Variants in XYLT2 observed in about 807,000 individuals in gnomAD.
XYLT2 encodes the protein UDP-D-xylose:proteoglycan core protein beta-D-xylosyltransferase.
Under a neutral mutation model 82.6 loss-of-function variants are expected in XYLT2, and 37 were observed. The observed-to-expected ratio is 0.45, with a 90% CI of 0.34 to 0.59. The LOEUF is 0.59. Ranked by LOEUF, XYLT2 falls within the 20% of genes least tolerant of loss-of-function variation. The pLI, the probability that XYLT2 is intolerant of heterozygous loss-of-function variation, is 0.01. For missense variants in XYLT2, 934 were observed against 1,181.3 expected (o/e 0.79, Z 3.07); for synonymous variants, 474 against 499.0 (o/e 0.95, Z 0.67).
At chr17:50,356,846 C>T (rs754545648) in intron 8 of XYLT2, 73 bp downstream of exon 8, 11 of 1,539,562 alleles carry the variant, frequency 7.1e-6, no homozygotes, top group South Asian at 2.4e-5. Context: ...CAGAGAGTGA[C>T]GTCCCCTGCC....
rs1912737579 is a variant in XYLT2, at chr17:50,360,123, C to T, written c.2430C>T (p.Ala810=). ...HTQLTGPALE[A]WTDRELSSFW... ...AGCTCACAGGCCCTGCGCTCGAGGC[C>T]TGGACAGACAGGGAACTGAGCAGCT... Residue 810 remains alanine (A), a synonymous_variant, in exon 11 of 11, where the codon GCC becomes GCT. Transcript: ENST00000017003. The T allele has an allele frequency of 6.2e-7, 1 of 1,613,880 alleles. No homozygotes were observed. The highest frequency in any genetic ancestry group is 1.3e-5 in the African/African-American group (1 of 74,926).
At position 50,357,960 on chromosome 17, in the gene XYLT2, C is replaced by T. The variant is rs61686489; in HGVS notation, c.1942-247C>T. The T allele has an allele frequency of 2.4e-3, 1,223 of 511,648 alleles. 17 individuals carry two copies. The highest frequency in any genetic ancestry group is 0.02 in the African/African-American group (1,035 of 53,030). 31.7% of individuals were successfully genotyped at this position (511,648 alleles called of 1,614,324 possible). On this transcript the variant is annotated intron_variant, in intron 9 of 10. Transcript: ENST00000017003. ...GCAGGACTTTGAACCTCATCCCTGC[C>T]GTATTGTCCCCAATAAGGGGGACTG...
intron 2 of XYLT2, 37 bp downstream of exon 2, chr17:50,354,159 G>T: frequency 6.3e-7 from 1 of 1,598,030 alleles, no homozygotes. Flanking sequence ...TCCCAGGCGG[G>T]GGCAGGGGGG....
chr17:50,356,090 C>G lies in XYLT2; in HGVS notation c.1311C>G (p.Phe437Leu), dbSNP rs1348620665. ...CTCTCCCTTGCTGCTTGCAGTCCTT[C>G]TTCCACACGGTGCTGGAGAACAGCC... ...YTYTLLPAESFFHTVLENSLA... is the reference protein window; with the variant it reads ...YTYTLLPAESLFHTVLENSLA... The change falls in exon 7 of 11, where the codon TTC becomes TTG. Residue 437 changes from phenylalanine to leucine, a missense_variant. By Grantham distance (22) the Phe-to-Leu change is conservative (BLOSUM62 0). Coordinates refer to ENST00000017003, the MANE Select transcript of XYLT2 (RefSeq NM_022167.4). 1.2e-6 allele frequency: 2 copies of G among 1,614,068 alleles called. No individual in the cohort carries two copies. The highest frequency in any genetic ancestry group is 8.5e-7 in the Non-Finnish European group (1 of 1,180,000).
chr17:50,352,484 T>C (rs963517078), intron 1 of XYLT2, among the ~76,000 whole-genome samples: 4 of 152,184 alleles, frequency 2.6e-5, no homozygotes, highest in African/African-American at 9.6e-5. Flanking sequence ...CCCAGCCCAT[T>C]CCACTGCAGG....
chr17:50,360,922 G>A lies in XYLT2; in HGVS notation c.*631G>A. Reference sequence around the variant, plus strand: ...AGCCAGGGGACCCTAGAAGTGGGGTGGGGCGGCTCCAGGGCTTTCCAGCAT... The same window carrying A: ...AGCCAGGGGACCCTAGAAGTGGGGTAGGGCGGCTCCAGGGCTTTCCAGCAT... On this transcript the variant is annotated 3_prime_UTR_variant, in exon 11 of 11. Coordinates refer to ENST00000017003, the MANE Select transcript of XYLT2 (RefSeq NM_022167.4). 1.0e-6 allele frequency: 1 copy of A among 985,990 alleles called. No homozygotes were observed. Among genetic ancestry groups the A allele is most frequent in the Non-Finnish European group, 1.2e-6 (1 of 830,086 alleles). The allele number at this position is 985,990 out of a possible 1,614,324, so 61.1% of individuals were successfully genotyped here.
Position 50,354,428 on chromosome 17 carries a change from C to G in XYLT2, c.649C>G (p.Gln217Glu). Reference protein sequence around the residue: ...QLTGKMSPGIQWDESQAQQPM... With the variant: ...QLTGKMSPGIEWDESQAQQPM... ...CTCAGGGAAGATGAGCCCCGGCATC[C>G]AGTGGGATGAGAGCCAAGCCCAGCA... The change falls in exon 3 of 11, where the codon CAG (glutamine) becomes GAG (glutamate). Residue 217 changes from glutamine (Q) to glutamate (E), a missense_variant. By Grantham distance (29) the Gln-to-Glu change is conservative. This residue lies in a region of XYLT2 where 371 missense variants were observed against 394.9 expected (regional missense o/e 0.94). Coordinates refer to ENST00000017003, the MANE Select transcript of XYLT2 (RefSeq NM_022167.4). 6.2e-7 allele frequency: 1 copy of G among 1,609,278 alleles called. No individual in the cohort carries two copies. Among genetic ancestry groups the G allele is most frequent in the Non-Finnish European group, 8.5e-7 (1 of 1,178,150 alleles).
At chr17:50,352,622 C>A (rs566467267) in intron 1 of XYLT2, among the ~76,000 whole-genome samples, 2 of 152,312 alleles carry the variant, frequency 1.3e-5, no homozygotes, top group South Asian at 4.1e-4. Context: ...GTTCAGTCAC[C>A]ACCAGGCCAT....
rs1358779206 is a variant in XYLT2 at position 50,346,555 on chromosome 17, A to C, written c.135+280A>C. The C allele has an allele frequency of 8.3e-6, 8 of 960,918 alleles. No individual in the cohort carries two copies. Among genetic ancestry groups the C allele is most frequent in the Non-Finnish European group, 9.9e-6 (8 of 807,866 alleles). The allele number at this position is 960,918 out of a possible 1,614,324, so 59.5% of individuals were successfully genotyped here. ...GGTCATGCTAGGGTGGTCTCCGGCC[A>C]AGGGAGCGATGAAGGTCAGGCGCGG... On this transcript the variant is annotated intron_variant, in intron 1 of 10. Transcript: ENST00000017003. The surrounding 1 kb of genome is among the most constrained non-coding windows in gnomAD (Gnocchi z 5.1).
In XYLT2 at chr17:50,358,301, C is replaced by T. The variant is rs1190945053; in HGVS notation, c.2036C>T (p.Ala679Val). The T allele has an allele frequency of 1.9e-6, 3 of 1,613,814 alleles. No homozygotes were observed. The highest frequency in any genetic ancestry group is 1.7e-6 in the Non-Finnish European group (2 of 1,180,030). ...LDEPVAVQRW[A>V]RGPNLTATVV... ...GAGCCTGTGGCCGTGCAGCGCTGGG[C>T]CCGGGGCCCCAACCTCACAGCCACA... Residue 679 changes from alanine (A) to valine (V), a missense_variant, in exon 10 of 11, where the codon GCC becomes GTC. Transcript: ENST00000017003.
Position 50,357,160 on chromosome 17 carries a change from C to T in XYLT2, c.1849C>T (p.Pro617Ser). ...GGCGGTGCAGCCCTCAGCCCAGGGG[C>T]CGGCAGAGACGCTTGAGATGTGGCT... ...TQAVQPSAQG[P>S]AETLEMWLMP... Residue 617 changes from proline to serine, a missense_variant, in exon 9 of 11, where the codon CCG (proline) becomes TCG (serine). By Grantham distance (74) the Pro-to-Ser change is moderately conservative. Transcript: ENST00000017003. The T allele has an allele frequency of 6.2e-7, 1 of 1,613,284 alleles. No homozygotes were observed. Among genetic ancestry groups the T allele is most frequent in the South Asian group, 1.1e-5 (1 of 91,074 alleles).
Position 50,354,568 on chromosome 17 carries a change from C to T in XYLT2, c.789C>T (p.Tyr263=), listed in dbSNP as rs1290055258. 8 of 1,609,894 alleles carry T rather than the reference C, an allele frequency of 5.0e-6. No homozygotes were observed. In the East Asian group the frequency reaches 1.3e-4, roughly 27 times the overall value. ...TTTATCACGAGCAGCACTTCTTTTA[C>T]ATCCATGTGGACAAGGTACTGTGGT... is the stretch of plus-strand genomic sequence containing the variant. ...KAVYHEQHFF[Y]IHVDKRSDYL... The change falls in exon 3 of 11, where the codon TAC becomes TAT. Residue 263 remains tyrosine (Y), a synonymous_variant. Coordinates refer to ENST00000017003, the MANE Select transcript of XYLT2 (RefSeq NM_022167.4).
At chr17:50,355,191 C>A in intron 4 of XYLT2, 135 bp downstream of exon 4, 2 of 988,186 alleles carry the variant, frequency 2.0e-6, no homozygotes, top group Non-Finnish European at 3.0e-6. Context: ...ACATGGGCCC[C>A]TGGGCCCCAG....
rs527677091 is a variant in XYLT2 at position 50,360,344 on chromosome 17, A to C, written c.*53A>C. On this transcript the variant is annotated 3_prime_UTR_variant, in exon 11 of 11. Coordinates refer to ENST00000017003, the MANE Select transcript of XYLT2 (RefSeq NM_022167.4). ...ACCCGGGAAATTGCACCTTACAGACAGTGGAGGGGTGTCCCCTCCCACAGG... is the reference window on the plus strand; with the variant it reads ...ACCCGGGAAATTGCACCTTACAGACCGTGGAGGGGTGTCCCCTCCCACAGG... The C allele has an allele frequency of 1.3e-6, 2 of 1,482,200 alleles. No individual in the cohort carries two copies. Among genetic ancestry groups the C allele is most frequent in the Admixed American group, 2.5e-5 (1 of 40,364 alleles). The allele number at this position is 1,482,200 out of a possible 1,614,324, so 91.8% of individuals were successfully genotyped here. A position where few individuals can be genotyped will look rare whatever the true frequency, so the allele number is the denominator to read the frequency against.
chr17:50,353,107 A>C (rs2143207317), intron 1 of XYLT2, among the ~76,000 whole-genome samples: 1 of 152,242 alleles, frequency 6.6e-6, no homozygotes, highest in South Asian at 2.1e-4. Flanking sequence ...CTTCACCTCC[A>C]TCATCCCCCA....
Position 50,348,137 on chromosome 17 carries a change from G to A in XYLT2, c.135+1862G>A, listed in dbSNP as rs569953820. ...ATTCATTCATTCCACAAATAGGTGT[G>A]AAGTCCTACTTTGTACTAGACACTG... On this transcript the variant is annotated intron_variant, in intron 1 of 10. Coordinates refer to ENST00000017003, the MANE Select transcript of XYLT2 (RefSeq NM_022167.4). Among the ~76,000 whole-genome samples the A allele has an allele frequency of 5.1e-4, 78 of 152,334 alleles. 1 individual carries two copies. The highest frequency in any genetic ancestry group is 1.9e-3 in the African/African-American group (77 of 41,568).
Position 50,356,784 on chromosome 17 carries a change from C to G in XYLT2, c.1745+11C>G. ...CACCCCACTCTGCAGGTGAGACCCC[C>G]TTCTGACATACAGCAGGCCCTTGGG... is the stretch of plus-strand genomic sequence containing the variant. On this transcript the variant is annotated intron_variant, in intron 8 of 10. Coordinates refer to ENST00000017003, the MANE Select transcript of XYLT2 (RefSeq NM_022167.4). 1 of 1,596,556 alleles carries G rather than the reference C, an allele frequency of 6.3e-7. No individual in the cohort carries two copies. Among genetic ancestry groups the G allele is most frequent in the Non-Finnish European group, 8.5e-7 (1 of 1,176,238 alleles).
Position 50,354,118 on chromosome 17 carries a change from G to T in XYLT2, c.624G>T (p.Leu208=). The stretch of plus-strand genomic sequence containing the variant: ...AGGCTGTGCCCCGGCACTGTCAGCT[G>T]ACTGGTGAGGGACAGGGGTGCTCCA... ...MPKAVPRHCQ[L]TGKMSPGIQW... Residue 208 remains leucine (L), a synonymous_variant, in exon 2 of 11, where the codon CTG becomes CTT. Transcript: ENST00000017003. 1 of 1,602,970 alleles carries T rather than the reference G, an allele frequency of 6.2e-7. No homozygotes were observed. The highest frequency in any genetic ancestry group is 8.5e-7 in the Non-Finnish European group (1 of 1,179,930).
chr17:50,360,413 G>A lies in XYLT2; in HGVS notation c.*122G>A, dbSNP rs1598354165. ...GCTGCACACCCATTTCAGCCATCAA[G>A]AACCCACACAGACGGCAGGGAAGGT... On this transcript the variant is annotated 3_prime_UTR_variant, in exon 11 of 11. Coordinates refer to ENST00000017003, the MANE Select transcript of XYLT2 (RefSeq NM_022167.4). The A allele has an allele frequency of 1.4e-6, 2 of 1,434,218 alleles. No homozygotes were observed. The highest frequency in any genetic ancestry group is 5.0e-5 in the East Asian group (2 of 39,840). 88.8% of individuals were successfully genotyped at this position (1,434,218 alleles called of 1,614,324 possible).
Sources: gnomAD v4.1 joint callset for allele counts (sites outside exome capture counted in the v4.1 genomes callset) on GRCh38, gnomAD v4.1.1 for gene constraint, gnomAD v4.1.1 regional missense constraint, Gnocchi (gnomAD v3.1) non-coding constraint, MANE v1.5 for transcripts, NCBI Gene and HGNC (gene_info 2026-07-23, HGNC 2026-07-21) for gene names.